LARGE1: variants seen among roughly 807,000 people sequenced by gnomAD.
LARGE1 encodes LARGE xylosyl- and glucuronyltransferase 1.
A neutral mutation model predicts 87.6 loss-of-function variants in LARGE1; 43 were observed. The observed-to-expected ratio is 0.49, with a 90% CI of 0.38 to 0.63. The LOEUF is 0.63. Ranked by LOEUF, LARGE1 falls within the 30% of genes least tolerant of loss-of-function variation. The pLI, the probability that LARGE1 is intolerant of heterozygous loss-of-function variation, is 0.00. For missense variants in LARGE1, 802 were observed against 1,000.2 expected, an observed-to-expected ratio of 0.80 and a Z score of 2.67; for synonymous variants, 434 against 394.6, an observed-to-expected ratio of 1.10 and a Z score of -1.18.
At chr22:33,820,151 A>C (rs1237829407) in intron 1 of LARGE1, among the ~76,000 whole-genome samples, 1 of 152,170 alleles carries the variant, frequency 6.6e-6, no homozygotes, top group East Asian at 1.9e-4. Context: ...GCCTGCTTTA[A>C]CTAATGTACC....
chr22:33,287,162 A>G (rs1486017653), intron 12 of LARGE1, among the ~76,000 whole-genome samples: 1 of 152,190 alleles, frequency 6.6e-6, no homozygotes, highest in African/African-American at 2.4e-5. Context: ...TCCTAGTTTG[A>G]TTCTATAAGA....
chr22:33,269,449 G>C (rs1412894177), downstream of LARGE1, among the ~76,000 whole-genome samples: 1 of 152,166 alleles, frequency 6.6e-6, no homozygotes, highest in Non-Finnish European at 1.5e-5. Flanking sequence ...CCAATGAGTA[G>C]ATGCTCAATA....
chr22:33,097,369 T>C, the LARGE1 span, among the ~76,000 whole-genome samples: 1 of 152,230 alleles, frequency 6.6e-6, no homozygotes, highest in East Asian at 1.9e-4. Flanking sequence ...CTTGCCCTTC[T>C]GTCCTCTGGA....
chr22:33,879,726 T>C (rs1396351088), intron 1 of LARGE1, among the ~76,000 whole-genome samples: 1 of 152,188 alleles, frequency 6.6e-6, no homozygotes, highest in East Asian at 1.9e-4. Flanking sequence ...ACACCATCTA[T>C]CCTGTACTCG....
intron 9 of LARGE1, among the ~76,000 whole-genome samples, chr22:33,380,897 T>C (rs1036887403): frequency 6.6e-6 from 1 of 152,244 alleles, no homozygotes; most frequent in Non-Finnish European, 1.5e-5. Flanking sequence ...TTCTGTTGAA[T>C]AGTTGTGGTC....
chr22:33,808,680 G>T (rs1030713636), intron 1 of LARGE1, among the ~76,000 whole-genome samples: 1 of 152,202 alleles, frequency 6.6e-6, no homozygotes, highest in Non-Finnish European at 1.5e-5. Flanking sequence ...TCACAGTGAC[G>T]AGTACACTGG....
the LARGE1 span, among the ~76,000 whole-genome samples, chr22:33,117,787 T>C: frequency 2.0e-5 from 3 of 152,326 alleles, no homozygotes; most frequent in African/African-American, 4.8e-5. Flanking sequence ...ACTGGACCCA[T>C]GGAGCATGTG....
intron 6 of LARGE1, among the ~76,000 whole-genome samples, chr22:33,472,310 G>A (rs929885365): frequency 6.6e-6 from 1 of 152,228 alleles, no homozygotes; most frequent in South Asian, 2.1e-4. Context: ...TTGTACTGAT[G>A]AAGGAGACAA....
chr22:33,595,856 G>C (rs754149692), intron 5 of LARGE1, among the ~76,000 whole-genome samples: 9 of 152,216 alleles, frequency 5.9e-5, no homozygotes, highest in Non-Finnish European at 1.0e-4. Flanking sequence ...TGAGGGAACA[G>C]ACAAATGGTA....
intron 2 of LARGE1, chr22:33,750,913 A>G (rs2084291420): frequency 6.6e-6 from 1 of 152,252 alleles, no homozygotes; most frequent in Non-Finnish European, 1.5e-5. Flanking sequence ...GTGTTAAACA[A>G]TGATCTCTAA....
the LARGE1 span, among the ~76,000 whole-genome samples, chr22:33,132,935 G>T: frequency 6.6e-6 from 1 of 152,126 alleles, no homozygotes; most frequent in Non-Finnish European, 1.5e-5. Flanking sequence ...GACATTTAGG[G>T]CAAGGTAGGA....
chr22:33,861,860 C>CTTTTT lies in LARGE1; in HGVS notation c.-83+58130_-83+58134dup, dbSNP rs59657748. Among the ~76,000 whole-genome samples, 103 of 117,194 alleles carry CTTTTT rather than the reference C, an allele frequency of 8.8e-4. 1 individual carries two copies. The highest frequency in any genetic ancestry group is 1.3e-3 in the African/African-American group (39 of 29,172). The allele number at this position is 117,194 out of a possible 152,430, so 76.9% of individuals were successfully genotyped here. ...AAGTGGATTTTGGGACCCAGACATT[C>CTTTTT]TTTTTTTTTTTTTTTTTTTTTGAGA... On this transcript the variant is annotated intron_variant, in intron 1 of 14. Transcript: ENST00000397394.
At chr22:33,744,766 G>A (rs1057158136) in intron 2 of LARGE1, among the ~76,000 whole-genome samples, 2 of 152,212 alleles carry the variant, frequency 1.3e-5, no homozygotes, top group Admixed American at 6.5e-5. Context: ...CCAAATGATT[G>A]TCATAGAAAG....
At chr22:33,104,883 T>TTCTCTC in the LARGE1 span, among the ~76,000 whole-genome samples, 15 of 48,802 alleles carry the variant, frequency 3.1e-4, no homozygotes, top group African/African-American at 6.8e-4. Flanking sequence ...TCAATAGACT[T>TTCTCTC]TCTCTCTCTT....
chr22:33,588,510 C>CGTGTGT (rs10528247), intron 5 of LARGE1, among the ~76,000 whole-genome samples: 22 of 150,570 alleles, frequency 1.5e-4, no homozygotes, highest in African/African-American at 4.4e-4. Context: ...TATATGTGTG[C>CGTGTGT]GTGTGTGTGT....
chr22:33,163,634 T>C (rs1340689898), exon 12 of LARGE1: 7 of 152,250 alleles, frequency 4.6e-5, no homozygotes. Flanking sequence ...AAGTACAGTG[T>C]ACGGTTTTAT....
chr22:33,391,073 C>T (rs953497788), intron 7 of LARGE1, among the ~76,000 whole-genome samples: 6 of 152,244 alleles, frequency 3.9e-5, no homozygotes, highest in Admixed American at 6.5e-5. Context: ...CCTCATGATC[C>T]ACCCGCCTCG....
intron 11 of LARGE1, among the ~76,000 whole-genome samples, chr22:33,186,260 C>G (rs1453292630): frequency 6.6e-6 from 1 of 151,884 alleles, no homozygotes; most frequent in East Asian, 1.9e-4. Context: ...AATATAGATG[C>G]AAAAAATCAC....
At chr22:33,379,240 A>G (rs1347018162) in intron 9 of LARGE1, among the ~76,000 whole-genome samples, 2 of 140,226 alleles carry the variant, frequency 1.4e-5, no homozygotes, top group African/African-American at 5.7e-5. Context: ...GCAAAGCTTT[A>G]TATTTGCTGA....
Sources: gnomAD v4.1 joint callset for allele counts (sites outside exome capture counted in the v4.1 genomes callset) on GRCh38, gnomAD v4.1.1 for gene constraint, MANE v1.5 for transcripts, NCBI Gene and HGNC (gene_info 2026-07-23, HGNC 2026-07-21) for gene names.